Variants in TBC1D15 observed in about 807,000 individuals in gnomAD.
The protein encoded by TBC1D15 is TBC1 domain family member 15.
In TBC1D15, 39 loss-of-function variants were observed where a neutral mutation model predicts 95.4. The observed-to-expected ratio is 0.41, with a 90% confidence interval of 0.32 to 0.53. The LOEUF (loss-of-function observed/expected upper bound fraction) is 0.53, where lower values mean the gene tolerates loss of function less well. Ranked by LOEUF, TBC1D15 falls within the 20% of genes least tolerant of loss-of-function variation. The pLI, the probability that TBC1D15 is intolerant of heterozygous loss-of-function variation, is 0.29. For synonymous variants in TBC1D15, 258 were observed against 261.3 expected, an observed-to-expected ratio of 0.99 and a Z score of 0.12; for missense variants, 733 against 794.3, an observed-to-expected ratio of 0.92 and a Z score of 0.93.
At chr12:71,858,362 A>G (rs1431728040) in intron 1 of TBC1D15, among the ~76,000 whole-genome samples, 2 of 151,942 alleles carry the variant, frequency 1.3e-5, no homozygotes, top group African/African-American at 4.8e-5. Flanking sequence ...GTGAGCCACC[A>G]TGCCCGGCCA....
chr12:71,881,392 T>C (rs549392210), intron 4 of TBC1D15, among the ~76,000 whole-genome samples: 1 of 152,168 alleles, frequency 6.6e-6, no homozygotes, highest in Non-Finnish European at 1.5e-5. Context: ...TTATTAGTGG[T>C]TCTCAGCCTT....
At chr12:71,920,550 T>A (rs1868901119) in intron 14 of TBC1D15, among the ~76,000 whole-genome samples, 181 bp from the exon 15 acceptor site, 1 of 152,176 alleles carries the variant, frequency 6.6e-6, no homozygotes, top group Admixed American at 6.5e-5. Flanking sequence ...CGATGATAGT[T>A]ACTTTGTAGC....
chr12:71,889,215 T>A (rs559801890), intron 5 of TBC1D15, among the ~76,000 whole-genome samples: 1 of 152,318 alleles, frequency 6.6e-6, no homozygotes, highest in South Asian at 2.1e-4. Flanking sequence ...ATTAAGTTTT[T>A]AGTGAACCAG....
At chr12:71,861,585 A>T in intron 1 of TBC1D15, 1 of 1,236,098 alleles carries the variant, frequency 8.1e-7, no homozygotes, top group Non-Finnish European at 1.1e-6. Flanking sequence ...GGGTCTTTTC[A>T]CTTTTTTTCT....
chr12:71,861,036 A>G (rs1212613621), intron 1 of TBC1D15, among the ~76,000 whole-genome samples: 1 of 152,166 alleles, frequency 6.6e-6, no homozygotes, highest in African/African-American at 2.4e-5. Flanking sequence ...TGAACCATCC[A>G]TGCATCCTGG....
intron 10 of TBC1D15, among the ~76,000 whole-genome samples, chr12:71,904,005 A>G (rs1900077206): frequency 6.6e-6 from 1 of 152,220 alleles, no homozygotes; most frequent in African/African-American, 2.4e-5. Flanking sequence ...TGAAACTAAA[A>G]TACAACTTGG....
chr12:71,912,711 A>G (rs1005129407), intron 11 of TBC1D15, among the ~76,000 whole-genome samples: 1 of 152,164 alleles, frequency 6.6e-6, no homozygotes, highest in African/African-American at 2.4e-5. Flanking sequence ...CAGTGCAGAT[A>G]GATTTTGGTG....
chr12:71,921,531 A>G, intron 16 of TBC1D15, 77 bp downstream of exon 16: 1 of 875,084 alleles, frequency 1.1e-6, no homozygotes, highest in East Asian at 2.9e-5. Flanking sequence ...TTCTTCTTGG[A>G]AATAAAATAG....
chr12:71,895,855 T>C (rs1898051780), intron 7 of TBC1D15, 92 bp from the exon 8 acceptor site: 3 of 1,252,488 alleles, frequency 2.4e-6, no homozygotes, highest in Admixed American at 2.5e-5. Context: ...AAGTCATGTC[T>C]GAAAAACAGT....
chr12:71,896,863 A>G, intron 9 of TBC1D15, 83 bp downstream of exon 9: 2 of 994,572 alleles, frequency 2.0e-6, no homozygotes, highest in East Asian at 5.4e-5. Flanking sequence ...CTAGATGAGG[A>G]TTTGGAATAG....
At chr12:71,851,402 C>T (rs902096154) in intron 1 of TBC1D15, among the ~76,000 whole-genome samples, 4 of 152,064 alleles carry the variant, frequency 2.6e-5, no homozygotes, top group Admixed American at 2.6e-4. Flanking sequence ...TCTTCTGGCC[C>T]CTCCCAAATC....
chr12:71,860,629 G>A (rs1290924432), intron 1 of TBC1D15, among the ~76,000 whole-genome samples: 2 of 152,150 alleles, frequency 1.3e-5, no homozygotes, highest in Non-Finnish European at 2.9e-5. Flanking sequence ...ATCAGTGTTA[G>A]GAGTTTTTTG....
rs1482105242 is a variant in TBC1D15, at chr12:71,881,856, T to G, written c.343+1249T>G. On this transcript the variant is annotated intron_variant, in intron 4 of 16. Transcript: ENST00000485960. ...TCGCTTGAGCCTGGGAGGCAGAGGT[T>G]GCAGTGAGCCGAGATTGTGCCACTG... is the stretch of plus-strand genomic sequence containing the variant. Among the ~76,000 whole-genome samples, 3 of 143,834 alleles carry G rather than the reference T, an allele frequency of 2.1e-5. No homozygotes were observed. In the East Asian group the frequency reaches 6.3e-4, roughly 30 times the overall value. The allele number at this position is 143,834 out of a possible 152,430, so 94.4% of individuals were successfully genotyped here. A position where few individuals can be genotyped will look rare whatever the true frequency, so the allele number is the denominator to read the frequency against.
At chr12:71,892,992 A>G (rs533927032) in intron 5 of TBC1D15, among the ~76,000 whole-genome samples, 1 of 151,894 alleles carries the variant, frequency 6.6e-6, no homozygotes, top group African/African-American at 2.4e-5. Context: ...TGTTTTATTT[A>G]CGTTATATAC....
chr12:71,893,164 C>G (rs1592776575), intron 5 of TBC1D15, 58 bp from the exon 6 acceptor site: 1 of 702,466 alleles, frequency 1.4e-6, no homozygotes, highest in Non-Finnish European at 2.0e-6. Flanking sequence ...AGTAATTGTT[C>G]ATGTAGTAAT....
At chr12:71,912,438 G>A (rs1222305295) in intron 11 of TBC1D15, among the ~76,000 whole-genome samples, 2 of 152,110 alleles carry the variant, frequency 1.3e-5, no homozygotes, top group African/African-American at 4.8e-5. Context: ...ACTGTGGAAA[G>A]ATGTGGTGGT....
chr12:71,879,135 C>T (rs1461481725), intron 3 of TBC1D15, among the ~76,000 whole-genome samples: 8 of 144,612 alleles, frequency 5.5e-5, no homozygotes, highest in Admixed American at 3.5e-4. Context: ...CTCTCTCTCT[C>T]TTTTTTTTTT....
At chr12:71,871,959 A>C in intron 1 of TBC1D15, 111 bp from the exon 2 acceptor site, 1 of 431,968 alleles carries the variant, frequency 2.3e-6, no homozygotes. Context: ...TTATATATGA[A>C]ATAATCAGAA....
intron 10 of TBC1D15, among the ~76,000 whole-genome samples, chr12:71,899,167 T>C (rs913780358): frequency 6.6e-6 from 1 of 152,200 alleles, no homozygotes; most frequent in African/African-American, 2.4e-5. Context: ...TCCCTTTATA[T>C]CAAGGATCAA....
Sources: allele counts gnomAD v4.1 joint callset (sites outside exome capture counted in the v4.1 genomes callset), GRCh38; gene constraint gnomAD v4.1.1; transcripts MANE v1.5; gene names NCBI Gene and HGNC (gene_info 2026-07-23, HGNC 2026-07-21).